PPP1R9A: variants seen among roughly 807,000 people sequenced by gnomAD.
PPP1R9A encodes the protein neurabin-1.
A neutral mutation model predicts 141.9 loss-of-function variants in PPP1R9A; 59 were observed. That is an observed-to-expected ratio of 0.42 (90% CI 0.34 to 0.52). PPP1R9A has a LOEUF of 0.52. PPP1R9A is among the 20% of genes least tolerant of loss of function. The pLI, the probability that PPP1R9A is intolerant of heterozygous loss-of-function variation, is 0.10. For missense variants in PPP1R9A, 1,444 were observed against 1,611.9 expected (o/e 0.90, Z 1.78); for synonymous variants, 500 against 569.7 (o/e 0.88, Z 1.74).
At position 95,214,771 on chromosome 7, in the gene PPP1R9A, T is replaced by A. The variant is rs1792934679; in HGVS notation, c.1956+11041T>A. Among the ~76,000 whole-genome samples the A allele has an allele frequency of 6.6e-5, 10 of 152,256 alleles. No homozygotes were observed. The South Asian group carries it at 1.9e-3, about 28-fold the overall frequency. On this transcript the variant is annotated intron_variant, in intron 7 of 19. Coordinates refer to ENST00000433360, the MANE Select transcript of PPP1R9A (RefSeq NM_001166160.2). ...AATGGATTTGAGTTGTCGGAAAATA[T>A]TTTATTGGCAAATAATGATTTTTTT... is the stretch of plus-strand genomic sequence containing the variant.
chr7:95,149,523 A>G (rs1828261434), intron 4 of PPP1R9A, among the ~76,000 whole-genome samples: 1 of 152,102 alleles, frequency 6.6e-6, no homozygotes, highest in African/African-American at 2.4e-5. Flanking sequence ...AATTATAGCA[A>G]GGTTTCAGAA....
chr7:94,948,695 A>G (rs1165306913), intron 2 of PPP1R9A, among the ~76,000 whole-genome samples: 1 of 152,154 alleles, frequency 6.6e-6, no homozygotes, highest in African/African-American at 2.4e-5. Context: ...AGTAAAATCC[A>G]TCTTTTGCAT....
intron 5 of PPP1R9A, among the ~76,000 whole-genome samples, chr7:95,197,371 A>G (rs1021051366): frequency 5.3e-5 from 8 of 152,224 alleles, no homozygotes; most frequent in African/African-American, 1.2e-4. Flanking sequence ...ACAATATACC[A>G]TAAGTGACTG....
chr7:95,053,316 T>G (rs1034607766), intron 2 of PPP1R9A, among the ~76,000 whole-genome samples: 2 of 152,198 alleles, frequency 1.3e-5, no homozygotes, highest in African/African-American at 4.8e-5. Flanking sequence ...TATGTGCTTG[T>G]CAGTTTTTTA....
intron 2 of PPP1R9A, among the ~76,000 whole-genome samples, chr7:95,027,458 T>G (rs1449821751): frequency 6.6e-6 from 1 of 152,148 alleles, no homozygotes; most frequent in African/African-American, 2.4e-5. Flanking sequence ...GTACCTCGGT[T>G]GGAAATGCAG....
intron 2 of PPP1R9A, among the ~76,000 whole-genome samples, chr7:95,052,143 A>G (rs1810909573): frequency 6.6e-6 from 1 of 152,042 alleles, no homozygotes; most frequent in African/African-American, 2.4e-5. Flanking sequence ...CCTGGCCCAG[A>G]TGAATTTTAT....
At chr7:95,174,448 A>G (rs1037625061) in intron 5 of PPP1R9A, among the ~76,000 whole-genome samples, 24 of 152,244 alleles carry the variant, frequency 1.6e-4, no homozygotes, top group African/African-American at 5.8e-4. Flanking sequence ...TTCTTACACA[A>G]CTATGTATAC....
intron 7 of PPP1R9A, among the ~76,000 whole-genome samples, chr7:95,219,555 A>G (rs571145028): frequency 2.4e-4 from 36 of 152,070 alleles, no homozygotes; most frequent in African/African-American, 8.2e-4. Flanking sequence ...ATAATATCCT[A>G]CAGAGTGTTT....
At chr7:95,101,811 G>T (rs11975055) in intron 2 of PPP1R9A, among the ~76,000 whole-genome samples, 3 of 151,768 alleles carry the variant, frequency 2.0e-5, no homozygotes, top group African/African-American at 7.3e-5. Flanking sequence ...TTTTTTTCCC[G>T]TAGTTTTGCA....
intron 2 of PPP1R9A, among the ~76,000 whole-genome samples, chr7:95,045,158 T>C (rs1162735529): frequency 6.6e-6 from 1 of 152,152 alleles, no homozygotes; most frequent in East Asian, 1.9e-4. Context: ...TATGGCAACC[T>C]CAATTCTTGC....
chr7:95,152,591 T>C (rs1828893815), intron 4 of PPP1R9A, among the ~76,000 whole-genome samples: 1 of 152,180 alleles, frequency 6.6e-6, no homozygotes, highest in African/African-American at 2.4e-5. Context: ...TGGAGCAACC[T>C]TTCACTTTAT....
At chr7:94,935,772 G>C (rs1794702466) in intron 2 of PPP1R9A, among the ~76,000 whole-genome samples, 1 of 152,114 alleles carries the variant, frequency 6.6e-6, no homozygotes, top group South Asian at 2.1e-4. Context: ...TGATAAAGTA[G>C]TTTCACCTTT....
intron 2 of PPP1R9A, among the ~76,000 whole-genome samples, chr7:94,915,213 T>G (rs1439792856): frequency 6.6e-6 from 1 of 152,214 alleles, no homozygotes; most frequent in Non-Finnish European, 1.5e-5. Context: ...CTTCAAACCT[T>G]ACATGATAGT....
chr7:95,083,311 T>C (rs1434797386), intron 2 of PPP1R9A, among the ~76,000 whole-genome samples: 1 of 151,876 alleles, frequency 6.6e-6, no homozygotes, highest in Non-Finnish European at 1.5e-5. Flanking sequence ...TTCAGATTCT[T>C]CTTCTTGTCC....
intron 8 of PPP1R9A, among the ~76,000 whole-genome samples, chr7:95,229,976 A>G (rs1795693854): frequency 1.3e-5 from 2 of 152,184 alleles, no homozygotes; most frequent in South Asian, 2.1e-4. Context: ...CTGAAGATGA[A>G]TCACATCACA....
chr7:94,987,502 A>G (rs1432152911), intron 2 of PPP1R9A, among the ~76,000 whole-genome samples: 1 of 152,166 alleles, frequency 6.6e-6, no homozygotes, highest in African/African-American at 2.4e-5. Flanking sequence ...TACTTCTCAT[A>G]GTGTATTCTA....
chr7:95,144,492 C>T (rs1342184595), intron 4 of PPP1R9A, among the ~76,000 whole-genome samples: 1 of 151,754 alleles, frequency 6.6e-6, no homozygotes, highest in Non-Finnish European at 1.5e-5. Flanking sequence ...GATTTTATTT[C>T]CTTTGGATAT....
chr7:95,191,540 G>A (rs985645738), intron 5 of PPP1R9A, among the ~76,000 whole-genome samples: 1 of 151,892 alleles, frequency 6.6e-6, no homozygotes, highest in Non-Finnish European at 1.5e-5. Context: ...ATCCCACAAC[G>A]GTATAGAACA....
At chr7:95,279,489 A>G (rs1271623825) in intron 16 of PPP1R9A, among the ~76,000 whole-genome samples, 1 of 152,114 alleles carries the variant, frequency 6.6e-6, no homozygotes, top group Non-Finnish European at 1.5e-5. Flanking sequence ...ATTCCCCATA[A>G]CTGTCTAGCC....
Sources: gnomAD v4.1 joint callset for allele counts (sites outside exome capture counted in the v4.1 genomes callset) on GRCh38, gnomAD v4.1.1 for gene constraint, MANE v1.5 for transcripts, NCBI Gene and HGNC (gene_info 2026-07-23, HGNC 2026-07-21) for gene names.